VPS13B: variants seen among roughly 807,000 people sequenced by gnomAD.
VPS13B encodes vacuolar protein sorting 13 homolog B.
A neutral mutation model predicts 426.4 loss-of-function variants in VPS13B; 285 were observed. The ratio of observed to expected loss-of-function variants is 0.67; its 90% CI spans 0.61 to 0.74. The LOEUF is 0.74. VPS13B is among the 30% of genes least tolerant of loss of function. The pLI, the probability that VPS13B is intolerant of heterozygous loss-of-function variation, is 0.00. For missense variants in VPS13B, 4,537 were observed against 4,782.6 expected (o/e 0.95, Z 1.51); for synonymous variants, 1,676 against 1,676.4 (o/e 1.00, Z 0.01).
chr8:99,086,882 C>T (rs1340496418), intron 3 of VPS13B, among the ~76,000 whole-genome samples: 1 of 152,152 alleles, frequency 6.6e-6, no homozygotes, highest in Non-Finnish European at 1.5e-5. Context: ...GGGGTGCCTC[C>T]CAGTTAGGCT....
At chr8:99,791,720 T>TAAAA (rs1163608239) in intron 43 of VPS13B, among the ~76,000 whole-genome samples, 8 of 90,036 alleles carry the variant, frequency 8.9e-5, no homozygotes, top group South Asian at 3.8e-4. Flanking sequence ...GAACAGAACT[T>TAAAA]AAAAAAAAAA....
At chr8:99,358,733 C>T (rs1812330154) in intron 19 of VPS13B, among the ~76,000 whole-genome samples, 1 of 152,128 alleles carries the variant, frequency 6.6e-6, no homozygotes, top group East Asian at 1.9e-4. Flanking sequence ...TTAGCACCAC[C>T]TTGTGGTGTC....
chr8:99,094,688 A>G (rs1846331182), intron 3 of VPS13B, among the ~76,000 whole-genome samples: 2 of 152,168 alleles, frequency 1.3e-5, no homozygotes, highest in Admixed American at 1.3e-4. Context: ...AAGTTTTCTT[A>G]AAGAGGTCTT....
In VPS13B at chr8:99,445,102, C is replaced by T. The variant is rs375651764; in HGVS notation, c.3445+2467C>T. 6.6e-5 allele frequency among the ~76,000 whole-genome samples: 10 copies of T among 151,990 alleles called. No individual in the cohort carries two copies. In the South Asian group the frequency reaches 8.3e-4, roughly 13 times the overall value. ...AGAGTTCTTTATTATATTCTAGATA[C>T]GATACCCTTACACATGATTTGCAAG... is the stretch of plus-strand genomic sequence containing the variant. On this transcript the variant is annotated intron_variant, in intron 23 of 61. Transcript: ENST00000357162.
intron 36 of VPS13B, among the ~76,000 whole-genome samples, chr8:99,716,056 G>T (rs1356791684): frequency 3.3e-5 from 5 of 152,066 alleles, no homozygotes; most frequent in African/African-American, 1.2e-4. Context: ...AAATGAAATG[G>T]TAGTTTCAGT....
rs542043073 is a variant in VPS13B, at chr8:99,736,534, C to G, written c.7050+15487C>G. On this transcript the variant is annotated intron_variant, in intron 39 of 61. Transcript: ENST00000357162. ...TGTTGCAGTGAGCTGGATCACACCA[C>G]TGCATTCCAGTCTAGGCGACAGAGC... 2.6e-5 allele frequency among the ~76,000 whole-genome samples: 4 copies of G among 152,292 alleles called. No homozygotes were observed. In the South Asian group the frequency reaches 8.3e-4, roughly 32 times the overall value.
At position 99,340,486 on chromosome 8, in the gene VPS13B, A is replaced by G. The variant is rs147903498; in HGVS notation, c.2825-43722A>G. 23 of 486,392 alleles carry G rather than the reference A, an allele frequency of 4.7e-5. No homozygotes were observed. The East Asian group carries it at 1.2e-3, about 25-fold the overall frequency. The allele number at this position is 486,392 out of a possible 1,614,324, so 30.1% of individuals were successfully genotyped here. A position where few individuals can be genotyped will look rare whatever the true frequency, so the allele number is the denominator to read the frequency against. On this transcript the variant is annotated intron_variant, in intron 19 of 61. Transcript: ENST00000357162. ...GGACATGTTTCCAAGGATTTCTGGA[A>G]GTTTTACCAAAAGTCACAGCAAATG...
chr8:99,438,034 C>CTTTTTTTTT (rs746500253), intron 22 of VPS13B, among the ~76,000 whole-genome samples: 2 of 120,602 alleles, frequency 1.7e-5, no homozygotes, highest in African/African-American at 3.1e-5. Flanking sequence ...TTCTTTTCCT[C>CTTTTTTTTT]TTTTTTTTTT....
intron 21 of VPS13B, among the ~76,000 whole-genome samples, chr8:99,399,051 A>G (rs962260785): frequency 2.0e-5 from 3 of 152,144 alleles, no homozygotes; most frequent in Non-Finnish European, 4.4e-5. Flanking sequence ...ATTATATAAT[A>G]TGCAATTTAT....
chr8:99,777,051 G>T, intron 41 of VPS13B, 95 bp downstream of exon 41: 2 of 1,456,392 alleles, frequency 1.4e-6, no homozygotes, highest in Non-Finnish European at 1.9e-6. Context: ...CTTAGATAAT[G>T]TATTTTCAGG....
At chr8:99,206,094 T>C (rs1814702493) in intron 17 of VPS13B, among the ~76,000 whole-genome samples, 1 of 152,192 alleles carries the variant, frequency 6.6e-6, no homozygotes, top group Non-Finnish European at 1.5e-5. Flanking sequence ...TCTAACCCTG[T>C]CTTTTTGCGA....
chr8:99,695,464 C>A (rs200649092), intron 35 of VPS13B, among the ~76,000 whole-genome samples: 2,790 of 144,234 alleles, frequency 0.019, 94 homozygotes, highest in African/African-American at 0.068. Flanking sequence ...AACCAAACAC[C>A]GCATATTCTC....
chr8:99,335,317 T>C (rs899876128), intron 19 of VPS13B, among the ~76,000 whole-genome samples: 1 of 152,178 alleles, frequency 6.6e-6, no homozygotes, highest in Admixed American at 6.6e-5. Flanking sequence ...AGCTCCTGGA[T>C]TCATTAATTT....
intron 17 of VPS13B, among the ~76,000 whole-genome samples, chr8:99,237,871 A>T (rs890098028): frequency 2.0e-5 from 3 of 147,710 alleles, no homozygotes; most frequent in African/African-American, 7.4e-5. Flanking sequence ...GGTTGGGGTT[A>T]TTTTTTTTTT....
intron 19 of VPS13B, among the ~76,000 whole-genome samples, chr8:99,305,137 A>G (rs6468681): frequency 0.8 from 121,934 of 151,968 alleles, 49,401 homozygotes; most frequent in South Asian, 0.89. Flanking sequence ...TTATTTACAA[A>G]TTCGCTTCCC....
At chr8:99,471,360 A>T (rs1363782784) in intron 24 of VPS13B, among the ~76,000 whole-genome samples, 1 of 152,138 alleles carries the variant, frequency 6.6e-6, no homozygotes, top group Non-Finnish European at 1.5e-5. Flanking sequence ...CAACTATAGC[A>T]TTAAGGCTAG....
intron 31 of VPS13B, among the ~76,000 whole-genome samples, chr8:99,570,993 G>A (rs1825445795): frequency 6.6e-6 from 1 of 152,124 alleles, no homozygotes; most frequent in South Asian, 2.1e-4. Flanking sequence ...TTTTCAACAA[G>A]CTCTCTTGCC....
At chr8:99,420,634 C>T (rs762069607) in intron 21 of VPS13B, among the ~76,000 whole-genome samples, 5 of 152,146 alleles carry the variant, frequency 3.3e-5, no homozygotes, top group Non-Finnish European at 7.4e-5. Context: ...AATGTGTCTT[C>T]AGTGTCTAGC....
At chr8:99,315,813 A>G (rs936255348) in intron 19 of VPS13B, among the ~76,000 whole-genome samples, 1 of 151,628 alleles carries the variant, frequency 6.6e-6, no homozygotes, top group African/African-American at 2.4e-5. Context: ...ATTTTTTTGT[A>G]TTGGAATTTG....
Sources: allele counts gnomAD v4.1 joint callset (sites outside exome capture counted in the v4.1 genomes callset), GRCh38; gene constraint gnomAD v4.1.1; transcripts MANE v1.5; gene names NCBI Gene and HGNC (gene_info 2026-07-23, HGNC 2026-07-21).